Variants in GABRA3 observed in about 807,000 individuals in gnomAD.
The protein encoded by GABRA3 is gamma-aminobutyric acid receptor subunit alpha-3.
GABRA3 carries 10 observed loss-of-function variants against 30.1 expected under a neutral mutation model. The ratio of observed to expected loss-of-function variants is 0.33; its 90% CI spans 0.20 to 0.56. The LOEUF is 0.56. Ranked by LOEUF, GABRA3 falls within the 20% of genes least tolerant of loss-of-function variation. GABRA3 has a pLI of 0.89. For missense variants in GABRA3, 233 were observed against 392.0 expected, an observed-to-expected ratio of 0.59 and a Z score of 3.42; for synonymous variants, 151 against 146.8, an observed-to-expected ratio of 1.03 and a Z score of -0.21.
At chrX:152,203,199 T>C (rs1603207995) in intron 7 of GABRA3, among the ~76,000 whole-genome samples, 1 of 111,625 alleles carries the variant, frequency 9.0e-6, no homozygotes, top group South Asian at 3.8e-4. Context: ...CTTGGAAAAG[T>C]TACAAGCCCT....
rs1182205967 is a variant in GABRA3 at position 152,168,312 on chromosome X, C to T, written c.1395G>A (p.Val465=). 8.3e-7 allele frequency: 1 copy of T among 1,211,476 alleles called. No individual in the cohort carries two copies. Among genetic ancestry groups the T allele is most frequent in the Admixed American group, 2.2e-5 (1 of 46,018 alleles). Residue 465 remains valine (V), a synonymous_variant, in exon 10 of 10, where the codon GTG becomes GTA. Transcript: ENST00000370314. ...AGACCAGATTGAATATGGCAAAGAG[C>T]ACAGGAAAGATGATGCGGGAAATTT... The part of the protein sequence containing the change: ...VDKISRIIFP[V]LFAIFNLVYW...
Position 152,259,059 on chromosome X carries a change from A to C in GABRA3, c.331-3061T>G, listed in dbSNP as rs376117950. On this transcript the variant is annotated intron_variant, in intron 4 of 9. Coordinates refer to ENST00000370314, the MANE Select transcript of GABRA3 (RefSeq NM_000808.4). ...GGTGTGGCATGGAGAACTGTTCTGTACACTGACGAGGGGGAGAACACAGCA... is the reference window on the plus strand; with the variant it reads ...GGTGTGGCATGGAGAACTGTTCTGTCCACTGACGAGGGGGAGAACACAGCA... Among the ~76,000 whole-genome samples, 11 of 111,900 alleles carry C rather than the reference A, an allele frequency of 9.8e-5. No homozygotes were observed. The East Asian group carries it at 2.3e-3, about 23-fold the overall frequency.
chrX:152,225,430 A>ACACGCG (rs1313807875), intron 5 of GABRA3, among the ~76,000 whole-genome samples: 3 of 20,543 alleles, frequency 1.5e-4, no homozygotes, highest in African/African-American at 3.5e-4. Context: ...ACACACACAC[A>ACACGCG]CGCACACACA....
chrX:152,440,988 T>G (rs780364181), intron 1 of GABRA3, among the ~76,000 whole-genome samples: 1 of 96,741 alleles, frequency 1.0e-5, no homozygotes, highest in Non-Finnish European at 2.1e-5. Context: ...GTTCTGCACA[T>G]GTACCTCAGA....
intron 3 of GABRA3, among the ~76,000 whole-genome samples, chrX:152,291,979 T>G (rs936535057): frequency 9.0e-6 from 1 of 111,556 alleles, no homozygotes; most frequent in Non-Finnish European, 1.9e-5. Context: ...AAAATTCTCT[T>G]TTTTTTGTTG....
chrX:152,238,962 T>G (rs1160779714), intron 5 of GABRA3, among the ~76,000 whole-genome samples: 1 of 111,426 alleles, frequency 9.0e-6, no homozygotes, highest in Non-Finnish European at 1.9e-5. Flanking sequence ...ATTCATTGAT[T>G]TTTTGAAGGG....
At chrX:152,289,363 T>A (rs1308141755) in intron 3 of GABRA3, among the ~76,000 whole-genome samples, 1 of 109,771 alleles carries the variant, frequency 9.1e-6, no homozygotes, top group African/African-American at 3.3e-5. Flanking sequence ...AAAAAATATA[T>A]ATTTAAAAGC....
intron 5 of GABRA3, among the ~76,000 whole-genome samples, chrX:152,243,522 A>C (rs1407862648): frequency 1.8e-5 from 2 of 111,982 alleles, no homozygotes; most frequent in African/African-American, 6.5e-5. Context: ...TTTAAAACCC[A>C]GGTCCACCAT....
chrX:152,424,928 CTTTTTTTT>C (rs747255822), intron 1 of GABRA3, among the ~76,000 whole-genome samples: 2 of 42,358 alleles, frequency 4.7e-5, no homozygotes, highest in African/African-American at 2.5e-4. Context: ...TTTTTCTTTT[CTTTTTTTT>C]TTTTTTTTTT....
chrX:152,372,726 C>A (rs778684251), intron 1 of GABRA3, among the ~76,000 whole-genome samples: 1 of 112,020 alleles, frequency 8.9e-6, no homozygotes, highest in Non-Finnish European at 1.9e-5. Flanking sequence ...ACCTTTCCCC[C>A]ATGCCCTTTC....
chrX:152,331,482 C>T (rs190736329), intron 3 of GABRA3, among the ~76,000 whole-genome samples: 29 of 111,503 alleles, frequency 2.6e-4, no homozygotes, highest in South Asian at 7.5e-4. Flanking sequence ...AAGTGTTCTG[C>T]GATGCAGAGT....
At chrX:152,411,566 A>G (rs1409274197) in intron 1 of GABRA3, among the ~76,000 whole-genome samples, 1 of 111,658 alleles carries the variant, frequency 9.0e-6, no homozygotes, top group East Asian at 2.8e-4. Context: ...CATATGCAAA[A>G]TTTAACTCAA....
At chrX:152,214,782 T>C (rs754924893) in intron 6 of GABRA3, among the ~76,000 whole-genome samples, 40 of 107,198 alleles carry the variant, frequency 3.7e-4, no homozygotes, top group Admixed American at 1.7e-3. Context: ...ATTGTGGAGA[T>C]CTTTTACCTC....
intron 3 of GABRA3, among the ~76,000 whole-genome samples, chrX:152,304,781 G>GT (rs200813979): frequency 5.0e-4 from 56 of 110,901 alleles, no homozygotes; most frequent in African/African-American, 1.4e-3. Context: ...TCCTCAGACT[G>GT]TTTTTTTGTT....
At chrX:152,242,275 A>T (rs1938392582) in intron 5 of GABRA3, among the ~76,000 whole-genome samples, 1 of 111,377 alleles carries the variant, frequency 9.0e-6, no homozygotes, top group Non-Finnish European at 1.9e-5. Flanking sequence ...TCAAAAGTCA[A>T]CTCAATATAT....
rs1453252241 is a variant in GABRA3, at chrX:152,168,167, T to C, written c.*61A>G. The C allele has an allele frequency of 2.0e-6, 2 of 982,282 alleles. No individual in the cohort carries two copies. Among genetic ancestry groups the C allele is most frequent in the African/African-American group, 1.9e-5 (1 of 52,510 alleles). The allele number at this position is 982,282 out of a possible 1,213,427, so 81.0% of individuals were successfully genotyped here. ...AATACGCGAAGGGGAGCCCCGGGGT[T>C]TGGGTGCCTGGATGCTTCACGGGGT... On this transcript the variant is annotated 3_prime_UTR_variant, in exon 10 of 10. Transcript: ENST00000370314.
At chrX:152,177,822 A>G (rs1276238667) in intron 9 of GABRA3, among the ~76,000 whole-genome samples, 1 of 111,893 alleles carries the variant, frequency 8.9e-6, no homozygotes, top group Non-Finnish European at 1.9e-5. Context: ...TACATATGAA[A>G]TGAACACGGA....
chrX:152,397,125 G>A (rs376692086), intron 1 of GABRA3, among the ~76,000 whole-genome samples: 2 of 111,701 alleles, frequency 1.8e-5, no homozygotes, highest in East Asian at 2.8e-4. Flanking sequence ...AAGTCTAAAG[G>A]CATACAATCT....
At chrX:152,365,583 C>T (rs1239364241) in intron 1 of GABRA3, among the ~76,000 whole-genome samples, 2 of 111,723 alleles carry the variant, frequency 1.8e-5, no homozygotes, top group East Asian at 2.8e-4. Context: ...GGAGACCTAA[C>T]TCTGACCCAA....
Sources: gnomAD v4.1 joint callset for allele counts (sites outside exome capture counted in the v4.1 genomes callset) on GRCh38, gnomAD v4.1.1 for gene constraint, MANE v1.5 for transcripts, NCBI Gene and HGNC (gene_info 2026-07-23, HGNC 2026-07-21) for gene names.